The following C2CD5 variants were observed in gnomAD, a reference collection of about 807,000 sequenced individuals.
C2CD5 encodes C2 calcium dependent domain containing 5, also known as C2 domain-containing protein 5.
Under a neutral mutation model 130.3 loss-of-function variants are expected in C2CD5, and 109 were observed. The observed-to-expected ratio is 0.84, with a 90% CI of 0.72 to 0.98. The LOEUF is 0.98. Ranked by LOEUF, C2CD5 falls within the 50% of genes least tolerant of loss-of-function variation. The pLI is 0.00. For synonymous variants in C2CD5, 454 were observed against 429.2 expected (o/e 1.06, Z -0.71); for missense variants, 996 against 1,261.8 (o/e 0.79, Z 3.19).
chr12:22,523,595 C>G lies in C2CD5; in HGVS notation c.631G>C (p.Val211Leu). The change falls in exon 7 of 27, where the codon GTA becomes CTA. Residue 211 changes from valine (V) to leucine (L), a missense_variant. Val to Leu is a conservative substitution (Grantham distance 32, BLOSUM62 1). This residue lies in a region of C2CD5 where 26 missense variants were observed against 56.6 expected (regional missense o/e 0.46). Coordinates refer to ENST00000446597, the MANE Select transcript of C2CD5 (RefSeq NM_001286176.2). ...ACTGCATTTCCTCTCATTTCAAGTACTTTCAAGCCAATCTTCCTCTGCAGC... is the reference window on the plus strand; with the variant it reads ...ACTGCATTTCCTCTCATTTCAAGTAGTTTCAAGCCAATCTTCCTCTGCAGC... ...GELQRKIGLK[V>L]LEMRGNAVVG... 6.2e-7 allele frequency: 1 copy of G among 1,613,598 alleles called. No homozygotes were observed. The highest frequency in any genetic ancestry group is 8.5e-7 in the Non-Finnish European group (1 of 1,179,932).
chr12:22,462,698 A>G (rs927834990), intron 22 of C2CD5, among the ~76,000 whole-genome samples: 2 of 152,214 alleles, frequency 1.3e-5, no homozygotes, highest in African/African-American at 4.8e-5. Context: ...GTCGTAACCA[A>G]TGGCAAAGGT....
At chr12:22,488,561 T>C (rs1052443551) in intron 12 of C2CD5, among the ~76,000 whole-genome samples, 2 of 152,144 alleles carry the variant, frequency 1.3e-5, no homozygotes, top group Non-Finnish European at 2.9e-5. Flanking sequence ...ATTTGTTAAA[T>C]TAGGCTTCCT....
At chr12:22,462,161 T>C (rs1329017756) in intron 22 of C2CD5, among the ~76,000 whole-genome samples, 3 of 152,216 alleles carry the variant, frequency 2.0e-5, no homozygotes, top group Admixed American at 6.5e-5. Flanking sequence ...TCTAGACTAA[T>C]ACTAAATTAA....
intron 2 of C2CD5, among the ~76,000 whole-genome samples, chr12:22,541,134 C>T (rs1952338099): frequency 6.6e-6 from 1 of 152,094 alleles, no homozygotes; most frequent in African/African-American, 2.4e-5. Context: ...ACCCTAAAGA[C>T]ATCACAAACC....
intron 14 of C2CD5, among the ~76,000 whole-genome samples, chr12:22,481,641 A>AT (rs1474607414): frequency 6.7e-6 from 1 of 150,240 alleles, no homozygotes; most frequent in African/African-American, 2.4e-5. Context: ...GGCACTTAAG[A>AT]AACACACCTT....
intron 9 of C2CD5, among the ~76,000 whole-genome samples, chr12:22,512,056 T>C (rs1460002979): frequency 6.6e-6 from 1 of 152,206 alleles, no homozygotes; most frequent in Non-Finnish European, 1.5e-5. Flanking sequence ...GGCCTTTTGG[T>C]GGCAGTTGTA....
intron 12 of C2CD5, among the ~76,000 whole-genome samples, chr12:22,489,233 A>G (rs566081426): frequency 6.6e-6 from 1 of 151,932 alleles, no homozygotes; most frequent in East Asian, 1.9e-4. Flanking sequence ...GGGGAAGTAA[A>G]TAGGCACACT....
chr12:22,539,941 G>A (rs1952189594), intron 2 of C2CD5, among the ~76,000 whole-genome samples: 1 of 148,000 alleles, frequency 6.8e-6, no homozygotes, highest in Non-Finnish European at 1.5e-5. Flanking sequence ...ACAGTGAGCT[G>A]AGATCACGCC....
chr12:22,488,824 A>G (rs184161875), intron 12 of C2CD5, among the ~76,000 whole-genome samples: 20 of 152,062 alleles, frequency 1.3e-4, no homozygotes, highest in Admixed American at 6.6e-4. Context: ...TATCTTAGTT[A>G]TAAATGCGTG....
chr12:22,517,842 C>T (rs1949895102), intron 8 of C2CD5, 144 bp downstream of exon 8: 1 of 551,928 alleles, frequency 1.8e-6, no homozygotes, highest in Non-Finnish European at 3.1e-6. Context: ...ATTTTAATTG[C>T]AGTAACTGAA....
chr12:22,485,482 T>TA (rs940359522), intron 12 of C2CD5, among the ~76,000 whole-genome samples: 6 of 151,254 alleles, frequency 4.0e-5, no homozygotes, highest in Admixed American at 1.3e-4. Context: ...CCCCCAAAAT[T>TA]AAAAAAAATC....
rs77856314 is a variant in C2CD5, at chr12:22,506,586, G to A, written c.1147+125C>T. The stretch of plus-strand genomic sequence containing the variant: ...ATGACTACAAATATATTAAAGTAAC[G>A]TGCTAGTTTATACTTTCTTTTCATT... On this transcript the variant is annotated intron_variant, in intron 10 of 26. Coordinates refer to ENST00000446597, the MANE Select transcript of C2CD5 (RefSeq NM_001286176.2). 2,551 of 605,974 alleles carry A rather than the reference G, an allele frequency of 4.2e-3. 38 individuals are homozygous for A. The East Asian group carries it at 0.044, about 10-fold the overall frequency. 37.5% of individuals were successfully genotyped at this position (605,974 alleles called of 1,614,324 possible).
chr12:22,544,330 G>A lies in C2CD5; in HGVS notation c.-40C>T, dbSNP rs1194652796. On this transcript the variant is annotated 5_prime_UTR_variant, in exon 1 of 27. Transcript: ENST00000446597. ...CGGGTCGCCACTCACTGTCGCAGGA[G>A]GAAGGGTGCTGTCCCGCGCGGGTGC... 7.6e-6 allele frequency: 4 copies of A among 527,196 alleles called. No individual in the cohort carries two copies. Among genetic ancestry groups the A allele is most frequent in the Non-Finnish European group, 9.9e-6 (3 of 304,362 alleles). 32.7% of individuals were successfully genotyped at this position (527,196 alleles called of 1,614,324 possible). A position where few individuals can be genotyped will look rare whatever the true frequency, so the allele number is the denominator to read the frequency against.
intron 3 of C2CD5, chr12:22,534,799 G>A (rs1379240014): frequency 6.5e-6 from 1 of 154,384 alleles, no homozygotes; most frequent in African/African-American, 2.4e-5. Flanking sequence ...ATTGGTTAGT[G>A]AGTACACAAT....
At position 22,470,858 on chromosome 12, in the gene C2CD5, G is replaced by A; in HGVS notation, c.2412C>T (p.Thr804=). The A allele has an allele frequency of 6.2e-7, 1 of 1,612,042 alleles. No homozygotes were observed. Among genetic ancestry groups the A allele is most frequent in the Non-Finnish European group, 8.5e-7 (1 of 1,178,518 alleles). The part of the protein sequence containing the change: ...ITFDKNQALQ[T]TKTPVEKSLQ... ...ATGACTTTTCAACAGGGGTTTTTGT[G>A]GTTTGTAAAGCCTGATTTTTGTCAA... Residue 804 remains threonine, a synonymous_variant, in exon 21 of 27, where the codon ACC becomes ACT. Transcript: ENST00000446597.
intron 16 of C2CD5, among the ~76,000 whole-genome samples, chr12:22,474,277 G>C (rs1943508073): frequency 1.3e-5 from 2 of 152,244 alleles, no homozygotes; most frequent in South Asian, 2.1e-4. Flanking sequence ...TACTCTCTGG[G>C]AAAGTTACTA....
chr12:22,477,708 A>G (rs1944053121), intron 15 of C2CD5, among the ~76,000 whole-genome samples: 1 of 152,114 alleles, frequency 6.6e-6, no homozygotes. Context: ...TCAGTCATCC[A>G]CAGAGGAGGC....
chr12:22,490,730 TTAAAC>T (rs557090977), intron 11 of C2CD5, among the ~76,000 whole-genome samples: 31 of 152,192 alleles, frequency 2.0e-4, no homozygotes, highest in Admixed American at 2.0e-3. Context: ...TAAATGAAGC[TTAAAC>T]TACATCATCA....
intron 24 of C2CD5, among the ~76,000 whole-genome samples, chr12:22,457,599 C>T (rs1940190904): frequency 6.6e-6 from 1 of 152,038 alleles, no homozygotes; most frequent in African/African-American, 2.4e-5. Context: ...CTTATGTTAT[C>T]TAGTTGTAAG....
Sources: allele counts gnomAD v4.1 joint callset (sites outside exome capture counted in the v4.1 genomes callset), GRCh38; gene constraint gnomAD v4.1.1; regional missense constraint gnomAD v4.1.1; transcripts MANE v1.5; gene names NCBI Gene and HGNC (gene_info 2026-07-23, HGNC 2026-07-21).